KLHL29: variants seen among roughly 807,000 people sequenced by gnomAD.
KLHL29 encodes kelch-like protein 29.
Under a neutral mutation model 80.4 loss-of-function variants are expected in KLHL29, and 21 were observed. The observed-to-expected ratio is 0.26, with a 90% CI of 0.19 to 0.38. The LOEUF (loss-of-function observed/expected upper bound fraction) is 0.38, where lower values mean the gene tolerates loss of function less well. Ranked by LOEUF, KLHL29 falls within the 10% of genes least tolerant of loss-of-function variation. The pLI is 1.00. For missense variants in KLHL29, 867 were observed against 1,223.9 expected, an observed-to-expected ratio of 0.71 and a Z score of 4.35; for synonymous variants, 511 against 526.8, an observed-to-expected ratio of 0.97 and a Z score of 0.41.
rs1411927674 is a variant in KLHL29, at chr2:23,596,610, ACAT to A, written c.285+34133_285+34135del. Among the ~76,000 whole-genome samples the A allele has an allele frequency of 6.6e-6, 1 of 152,194 alleles. No homozygotes were observed. The highest frequency in any genetic ancestry group is 1.9e-4 in the East Asian group (1 of 5,200). ...AAGATGAGATTGTGCTGGCGGGAAC[ACAT>A]CATGTCTGGGGACGTATGCTGCCAT... On this transcript the variant is annotated intron_variant, in intron 3 of 13. Transcript: ENST00000486442. This position sits in a 1 kb window ranked among gnomAD's most constrained non-coding sequence, Gnocchi z 4.4.
intron 5 of KLHL29, among the ~76,000 whole-genome samples, chr2:23,656,187 T>G (rs1207633106): frequency 6.6e-6 from 1 of 152,194 alleles, no homozygotes; most frequent in Admixed American, 6.5e-5. Flanking sequence ...AGGGAACTAT[T>G]TTGGGGCCGG....
chr2:23,419,223 C>T (rs1662709198), intron 1 of KLHL29, among the ~76,000 whole-genome samples: 1 of 152,256 alleles, frequency 6.6e-6, no homozygotes, highest in African/African-American at 2.4e-5. Flanking sequence ...TAATTTTGAA[C>T]TCTGCAGACA....
At chr2:23,458,956 T>G (rs1664136744) in intron 1 of KLHL29, among the ~76,000 whole-genome samples, 1 of 152,056 alleles carries the variant, frequency 6.6e-6, no homozygotes, top group Non-Finnish European at 1.5e-5. Flanking sequence ...GAAAGCAGAT[T>G]GGGGAAGAGC....
intron 1 of KLHL29, among the ~76,000 whole-genome samples, chr2:23,458,026 TA>T (rs1224987629): frequency 4.6e-5 from 7 of 150,654 alleles, no homozygotes; most frequent in African/African-American, 1.5e-4. Context: ...AAATAAAAAT[TA>T]AAAAAAAATA....
chr2:23,599,890 C>T (rs1225453830), intron 3 of KLHL29, among the ~76,000 whole-genome samples: 2 of 152,208 alleles, frequency 1.3e-5, no homozygotes, highest in Non-Finnish European at 2.9e-5. Context: ...CTGGGTCAGC[C>T]ATGGCTGCCT....
chr2:23,541,766 A>G (rs1197988565), intron 2 of KLHL29, among the ~76,000 whole-genome samples: 1 of 111,660 alleles, frequency 9.0e-6, no homozygotes, highest in Non-Finnish European at 2.0e-5. Flanking sequence ...AGCCCAACCC[A>G]AAAAACAAAA....
At chr2:23,604,485 CA>C (rs1402324002) in intron 3 of KLHL29, among the ~76,000 whole-genome samples, 1 of 152,186 alleles carries the variant, frequency 6.6e-6, no homozygotes, top group African/African-American at 2.4e-5. Context: ...GCAAGTGTCA[CA>C]GGGGGAGAGA....
In KLHL29 at chr2:23,478,069, T is replaced by C. The variant is rs58818324; in HGVS notation, c.-46+2402T>C. Among the ~76,000 whole-genome samples, 252 of 152,266 alleles carry C rather than the reference T, an allele frequency of 1.7e-3. 1 individual carries two copies. Among genetic ancestry groups the C allele is most frequent in the African/African-American group, 5.9e-3 (244 of 41,550 alleles). On this transcript the variant is annotated intron_variant, in intron 2 of 13. Transcript: ENST00000486442. The stretch of plus-strand genomic sequence containing the variant: ...GTCAGATGCACCCTATGTGGGCCTC[T>C]ATCTCTGTGCCCCCAGACCAGGGTC...
intron 1 of KLHL29, among the ~76,000 whole-genome samples, chr2:23,455,515 C>G (rs1664024775): frequency 6.6e-6 from 1 of 151,574 alleles, no homozygotes; most frequent in Non-Finnish European, 1.5e-5. Flanking sequence ...TTTTATTTGC[C>G]TTTCTGCTCT....
chr2:23,462,037 G>T (rs1194438143), intron 1 of KLHL29, among the ~76,000 whole-genome samples: 1 of 149,668 alleles, frequency 6.7e-6, no homozygotes, highest in African/African-American at 2.5e-5. Flanking sequence ...AGAAGGGGCT[G>T]CACCTGTGTT....
chr2:23,560,535 C>G (rs906688057), intron 2 of KLHL29, among the ~76,000 whole-genome samples: 2 of 152,152 alleles, frequency 1.3e-5, no homozygotes, highest in Admixed American at 1.3e-4. Context: ...TCCCAAAGTG[C>G]TAGGATTACA....
chr2:23,640,794 C>G (rs527561048), intron 4 of KLHL29, among the ~76,000 whole-genome samples: 1 of 152,194 alleles, frequency 6.6e-6, no homozygotes, highest in Non-Finnish European at 1.5e-5. Context: ...GGCCTACGGT[C>G]CCTCAGCTGG....
In KLHL29 at chr2:23,642,675, C is replaced by T; in HGVS notation, c.765C>T (p.Gly255=). 1 of 1,547,988 alleles carries T rather than the reference C, an allele frequency of 6.5e-7. No homozygotes were observed. Among genetic ancestry groups the T allele is most frequent in the Admixed American group, 2.0e-5 (1 of 50,898 alleles). Residue 255 remains glycine, a synonymous_variant, in exon 5 of 14, where the codon GGC becomes GGT. Coordinates refer to ENST00000486442, the MANE Select transcript of KLHL29 (RefSeq NM_052920.2). ...ARPGPTAVGN[G]HMAGPLLPPP... Reference sequence around the variant, plus strand: ...CAGGACCCACCGCTGTGGGCAACGGCCACATGGCAGGGCCCCTGCTGCCTC... The same window carrying T: ...CAGGACCCACCGCTGTGGGCAACGGTCACATGGCAGGGCCCCTGCTGCCTC...
At chr2:23,589,242 CT>C (rs1321653278) in intron 3 of KLHL29, among the ~76,000 whole-genome samples, 1 of 152,284 alleles carries the variant, frequency 6.6e-6, no homozygotes, top group East Asian at 1.9e-4. Context: ...CCTGCCTACA[CT>C]TCCCCTGGTG....
chr2:23,520,725 G>A (rs1666068170), intron 2 of KLHL29, among the ~76,000 whole-genome samples: 1 of 152,202 alleles, frequency 6.6e-6, no homozygotes, highest in Admixed American at 6.5e-5. Context: ...GTTTTCCCAT[G>A]CTTTAAGGTG....
intron 1 of KLHL29, among the ~76,000 whole-genome samples, chr2:23,424,363 G>T (rs1185267186): frequency 6.6e-6 from 1 of 152,082 alleles, no homozygotes; most frequent in African/African-American, 2.4e-5. Context: ...AATCAGACTC[G>T]GTCACCATTT....
At chr2:23,495,052 TTTTA>T (rs936534709) in intron 2 of KLHL29, among the ~76,000 whole-genome samples, 1 of 152,204 alleles carries the variant, frequency 6.6e-6, no homozygotes, top group African/African-American at 2.4e-5. Flanking sequence ...TCTGTGAGTA[TTTTA>T]TTTATTTTTT....
At chr2:23,632,913 A>G (rs1050566285) in intron 3 of KLHL29, among the ~76,000 whole-genome samples, 2 of 152,226 alleles carry the variant, frequency 1.3e-5, no homozygotes, top group African/African-American at 4.8e-5. Context: ...CACAGGTCAC[A>G]TGCCATGCCC....
intron 3 of KLHL29, among the ~76,000 whole-genome samples, chr2:23,615,583 G>A (rs1225731280): frequency 6.6e-6 from 1 of 152,156 alleles, no homozygotes; most frequent in East Asian, 1.9e-4. Context: ...AGCCGGGCCG[G>A]AGCACCTGCA....
Sources: allele counts gnomAD v4.1 joint callset (sites outside exome capture counted in the v4.1 genomes callset), GRCh38; gene constraint gnomAD v4.1.1; non-coding constraint Gnocchi (gnomAD v3.1); transcripts MANE v1.5; gene names NCBI Gene and HGNC (gene_info 2026-07-23, HGNC 2026-07-21).